SPART: variants seen among roughly 807,000 people sequenced by gnomAD.
SPART encodes the protein spastic paraplegia 20 (Troyer syndrome).
A neutral mutation model predicts 58.7 loss-of-function variants in SPART; 35 were observed. The ratio of observed to expected loss-of-function variants is 0.60; its 90% CI spans 0.46 to 0.79. The LOEUF is 0.79. Among genes scored for constraint, SPART ranks in the 30% least tolerant of loss-of-function variants. The pLI is 0.00. For synonymous variants in SPART, 284 were observed against 280.7 expected (o/e 1.01, Z -0.12); for missense variants, 730 against 786.1 (o/e 0.93, Z 0.85).
chr13:36,365,106 C>A (rs1207246244), intron 1 of SPART, among the ~76,000 whole-genome samples: 5 of 152,244 alleles, frequency 3.3e-5, no homozygotes, highest in Non-Finnish European at 7.3e-5. Flanking sequence ...ACTTCCTACT[C>A]CTTTCCACGT....
chr13:36,335,836 C>T lies in SPART; in HGVS notation c.-2-4G>A. ...TTTTGTGGCTCTTGCTCCATTTCTGCAAAATTGGAGACATATTTAATTATC... is the reference window on the plus strand; with the variant it reads ...TTTTGTGGCTCTTGCTCCATTTCTGTAAAATTGGAGACATATTTAATTATC... On this transcript the variant is annotated splice_polypyrimidine_tract_variant and splice_region_variant and intron_variant, in intron 1 of 8. Transcript: ENST00000438666. 6.2e-7 allele frequency: 1 copy of T among 1,606,770 alleles called. No homozygotes were observed. Among genetic ancestry groups the T allele is most frequent in the East Asian group, 2.2e-5 (1 of 44,844 alleles).
At chr13:36,340,075 A>G (rs1374010797) in intron 1 of SPART, among the ~76,000 whole-genome samples, 1 of 151,862 alleles carries the variant, frequency 6.6e-6, no homozygotes, top group Non-Finnish European at 1.5e-5. Flanking sequence ...TCTCTAACAA[A>G]TAAAAGTAAA....
chr13:36,321,123 A>G (rs1354225067), intron 5 of SPART, among the ~76,000 whole-genome samples: 1 of 152,228 alleles, frequency 6.6e-6, no homozygotes, highest in Non-Finnish European at 1.5e-5. Context: ...ATTAGGCCCC[A>G]GTCTCATTCG....
intron 1 of SPART, among the ~76,000 whole-genome samples, chr13:36,340,159 G>A (rs1189569508): frequency 6.6e-6 from 1 of 151,902 alleles, no homozygotes; most frequent in African/African-American, 2.4e-5. Context: ...TCAGGAGATC[G>A]AGACCACCCT....
chr13:36,331,018 T>C lies in SPART; in HGVS notation c.1008+381A>G, dbSNP rs369700944. Among the ~76,000 whole-genome samples the C allele has an allele frequency of 6.8e-4, 104 of 152,342 alleles. 1 individual carries two copies. In the South Asian group the frequency reaches 0.021, roughly 30 times the overall value. ...CAGTGGTGAAAACAATAGCTAACAT[T>C]CACAGAGCATAACTACTCGTTCTGA... On this transcript the variant is annotated intron_variant, in intron 3 of 8. Transcript: ENST00000438666.
At chr13:36,331,373 A>G (rs1883439687) in intron 3 of SPART, 26 bp downstream of exon 3, 1 of 1,605,016 alleles carries the variant, frequency 6.2e-7, no homozygotes, top group African/African-American at 1.3e-5. Flanking sequence ...GATTTTTTTC[A>G]CCCTAAAGAT....
Position 36,312,450 on chromosome 13 carries a change from C to A in SPART, c.1511G>T (p.Cys504Phe). Residue 504 changes from cysteine (C) to phenylalanine (F), a missense_variant, in exon 7 of 9, where the codon TGC (cysteine) becomes TTC (phenylalanine). Physicochemically the swap from Cys to Phe is radical, Grantham distance 205. Transcript: ENST00000438666. ...LVDGVCTVAN[C>F]VGKELAPHVK... ...ATGTGGAGCTAGTTCTTTTCCAACG[C>A]AATTTGCTACAGTGCAAACTCCATC... 1 of 1,614,046 alleles carries A rather than the reference C, an allele frequency of 6.2e-7. No homozygotes were observed. Among genetic ancestry groups the A allele is most frequent in the Non-Finnish European group, 8.5e-7 (1 of 1,180,016 alleles).
intron 1 of SPART, chr13:36,365,456 C>T: frequency 2.9e-6 from 1 of 349,154 alleles, no homozygotes; most frequent in Non-Finnish European, 5.6e-6. Flanking sequence ...CCAGACTTTT[C>T]TCCAAAATGT....
upstream of SPART, among the ~76,000 whole-genome samples, chr13:36,347,011 A>G (rs1443931579): frequency 6.6e-6 from 1 of 152,210 alleles, no homozygotes; most frequent in Non-Finnish European, 1.5e-5. Context: ...CTATATCACT[A>G]TCATAAAACT....
chr13:36,326,509 A>G, intron 5 of SPART, 66 bp downstream of exon 5: 3 of 1,586,268 alleles, frequency 1.9e-6, no homozygotes, highest in Non-Finnish European at 2.6e-6. Flanking sequence ...CCTAATAAAC[A>G]ATATCTTTAT....
At chr13:36,324,760 G>C (rs192003526) in intron 5 of SPART, among the ~76,000 whole-genome samples, 8 of 152,280 alleles carry the variant, frequency 5.3e-5, no homozygotes, top group Admixed American at 3.9e-4. Flanking sequence ...GGGTGCAAGC[G>C]GGCTGAGACC....
chr13:36,331,525 C>T lies in SPART; in HGVS notation c.882G>A (p.Met294Ile), dbSNP rs1374630715. ...CTGCTTGTAGCATTGTATCAGGAAA[C>T]ATGTAGGCTCCCGCAGTACATTTCA... Reference protein sequence around the residue: ...PVLKCTAGAYMFPDTMLQAAG... With the variant: ...PVLKCTAGAYIFPDTMLQAAG... Residue 294 changes from methionine to isoleucine, a missense_variant, in exon 3 of 9, where the codon ATG (methionine) becomes ATA (isoleucine). Transcript: ENST00000438666. 5 of 1,613,904 alleles carry T rather than the reference C, an allele frequency of 3.1e-6. No individual in the cohort carries two copies. In the Admixed American group the frequency reaches 6.7e-5, roughly 22 times the overall value.
chr13:36,346,292 G>A lies in SPART; in HGVS notation c.-70C>T, dbSNP rs1271313293. ...GCTCCCTGCGCGGCCGCCGCGGCAC[G>A]GACCAGCTCCCACTCCCTTACACTG... On this transcript the variant is annotated 5_prime_UTR_variant, in exon 1 of 9. Coordinates refer to ENST00000438666, the MANE Select transcript of SPART (RefSeq NM_015087.5). The A allele has an allele frequency of 1.3e-5, 2 of 152,006 alleles. No individual in the cohort carries two copies. The highest frequency in any genetic ancestry group is 2.4e-5 in the African/African-American group (1 of 41,374). The allele number at this position is 152,006 out of a possible 1,614,324, so 9.4% of individuals were successfully genotyped here. A position where few individuals can be genotyped will look rare whatever the true frequency, so the allele number is the denominator to read the frequency against.
rs550325884 is a variant in SPART at position 36,343,920 on chromosome 13, T to C, written c.-3+2305A>G. Reference sequence around the variant, plus strand: ...AGCTCTCGCCTGTAATCCCAGCTACTGCACAGGCTGAGGCCGGAGGATCGC... The same window carrying C: ...AGCTCTCGCCTGTAATCCCAGCTACCGCACAGGCTGAGGCCGGAGGATCGC... On this transcript the variant is annotated intron_variant, in intron 1 of 8. Coordinates refer to ENST00000438666, the MANE Select transcript of SPART (RefSeq NM_015087.5). Among the ~76,000 whole-genome samples the C allele has an allele frequency of 1.2e-4, 19 of 152,104 alleles. No homozygotes were observed. The South Asian group carries it at 2.1e-3, about 17-fold the overall frequency.
At chr13:36,364,607 A>G (rs540284977) in intron 1 of SPART, among the ~76,000 whole-genome samples, 2 of 152,316 alleles carry the variant, frequency 1.3e-5, no homozygotes, top group East Asian at 3.9e-4. Flanking sequence ...GGTCCCATTA[A>G]CGAAAAAGAA....
intron 1 of SPART, among the ~76,000 whole-genome samples, chr13:36,358,751 G>A (rs1023884900): frequency 1.3e-5 from 2 of 152,154 alleles, no homozygotes; most frequent in Non-Finnish European, 2.9e-5. Flanking sequence ...AAATTAAAAT[G>A]CTAAGAAAAT....
chr13:36,334,309 CT>C (rs1208967047), intron 2 of SPART, among the ~76,000 whole-genome samples: 14 of 152,154 alleles, frequency 9.2e-5, no homozygotes, highest in Non-Finnish European at 2.1e-4. Context: ...ACTCTTTACT[CT>C]TAGACCAAGT....
rs1293630250 is a variant in SPART at position 36,329,815 on chromosome 13, T to C, written c.1009-298A>G. ...TATCTTTGAATCAGATGCAGCTACA[T>C]TTAAATTTAATTAATGAATAAATTT... On this transcript the variant is annotated intron_variant, in intron 3 of 8. Coordinates refer to ENST00000438666, the MANE Select transcript of SPART (RefSeq NM_015087.5). Among the ~76,000 whole-genome samples, 3 of 152,214 alleles carry C rather than the reference T, an allele frequency of 2.0e-5. No individual in the cohort carries two copies. In the East Asian group the frequency reaches 5.8e-4, roughly 29 times the overall value.
At chr13:36,353,837 T>C (rs1885515683) in intron 1 of SPART, among the ~76,000 whole-genome samples, 1 of 152,212 alleles carries the variant, frequency 6.6e-6, no homozygotes, top group African/African-American at 2.4e-5. Flanking sequence ...GTCTTGATCC[T>C]TCAGTAGTCA....
Sources: allele counts gnomAD v4.1 joint callset (sites outside exome capture counted in the v4.1 genomes callset), GRCh38; gene constraint gnomAD v4.1.1; transcripts MANE v1.5; gene names NCBI Gene and HGNC (gene_info 2026-07-23, HGNC 2026-07-21).